Variants in C16orf96 observed in about 807,000 individuals in gnomAD.
C16orf96 encodes uncharacterized protein C16orf96.
Under a neutral mutation model 103.6 loss-of-function variants are expected in C16orf96, and 108 were observed. The observed-to-expected ratio is 1.04, with a 90% CI of 0.89 to 1.22. The LOEUF (loss-of-function observed/expected upper bound fraction) is 1.22, where lower values mean the gene tolerates loss of function less well. Among genes scored for constraint, C16orf96 ranks in the 50% most tolerant of loss-of-function variants. The pLI is 0.00. For synonymous variants in C16orf96, 566 were observed against 593.5 expected, an observed-to-expected ratio of 0.95 and a Z score of 0.67; for missense variants, 1,586 against 1,464.2, an observed-to-expected ratio of 1.08 and a Z score of -1.36.
chr16:4,596,754 C>T (rs1897182237), intron 14 of C16orf96, among the ~76,000 whole-genome samples: 1 of 152,118 alleles, frequency 6.6e-6, no homozygotes, highest in Non-Finnish European at 1.5e-5. Context: ...AAACAAAATA[C>T]AGCCAGAGTT....
Position 4,556,565 on chromosome 16 carries a change from C to G in C16orf96, c.76C>G (p.Leu26Val). Residue 26 changes from leucine (L) to valine (V), a missense_variant, in exon 1 of 16, where the codon CTG becomes GTG. Coordinates refer to ENST00000444310, the MANE Select transcript of C16orf96 (RefSeq NM_001145011.2). ...PQCGVLNFKA[L>V]HLLLHGILEH... ...GTGCGGGGTGCTGAACTTCAAGGCC[C>G]TGCACCTCCTGCTGCACGGCATCTT... is the stretch of plus-strand genomic sequence containing the variant. 1.3e-6 allele frequency: 2 copies of G among 1,551,644 alleles called. No homozygotes were observed. The highest frequency in any genetic ancestry group is 1.2e-5 in the South Asian group (1 of 84,060).
chr16:4,597,720 A>G (rs1268432550), intron 14 of C16orf96, among the ~76,000 whole-genome samples: 2 of 152,016 alleles, frequency 1.3e-5, no homozygotes, highest in Non-Finnish European at 1.5e-5. Context: ...CCACGCCTGG[A>G]TAATTTTTGT....
At chr16:4,550,890 G>C in the C16orf96 span, among the ~76,000 whole-genome samples, 2 of 152,216 alleles carry the variant, frequency 1.3e-5, no homozygotes, top group African/African-American at 2.4e-5. Context: ...GAGCCCACTG[G>C]AGCTGAGCCA....
rs58844372 is a variant in C16orf96 at position 4,556,543 on chromosome 16, C to T, written c.54C>T (p.Cys18=). Residue 18 remains cysteine (C), a synonymous_variant, in exon 1 of 16, where the codon TGC becomes TGT. Transcript: ENST00000444310. ...TELANIAIPQ[C]GVLNFKALHL... is the part of the protein sequence containing the mutation. ...TGGCCAACATCGCCATCCCACAGTG[C>T]GGGGTGCTGAACTTCAAGGCCCTGC... 2,569 of 1,550,542 alleles carry T rather than the reference C, an allele frequency of 1.7e-3. 34 individuals are homozygous for T. The African/African-American group carries it at 0.03, about 18-fold the overall frequency.
intron 7 of C16orf96, among the ~76,000 whole-genome samples, chr16:4,582,514 G>A (rs571170736): frequency 2.0e-5 from 3 of 152,200 alleles, no homozygotes; most frequent in East Asian, 1.9e-4. Context: ...CTCATTAAAG[G>A]GGAACCAATT....
At chr16:4,574,885 A>G in intron 3 of C16orf96, 87 bp from the exon 4 acceptor site, 9 of 1,524,162 alleles carry the variant, frequency 5.9e-6, no homozygotes, top group South Asian at 1.2e-5. Context: ...AAGGAGGAGA[A>G]CACAGCCTGG....
At chr16:4,577,971 G>A (rs1326953931) in intron 5 of C16orf96, among the ~76,000 whole-genome samples, 1 of 151,818 alleles carries the variant, frequency 6.6e-6, no homozygotes, top group Non-Finnish European at 1.5e-5. Context: ...AAAAGCCTGA[G>A]TGGTGGCGCA....
At chr16:4,543,743 G>A in the C16orf96 span, among the ~76,000 whole-genome samples, 2 of 152,088 alleles carry the variant, frequency 1.3e-5, no homozygotes, top group Non-Finnish European at 2.9e-5. Flanking sequence ...CTCTTGGCAA[G>A]CGATTCTTCT....
chr16:4,574,245 C>T (rs951250535), intron 2 of C16orf96, among the ~76,000 whole-genome samples: 1 of 151,858 alleles, frequency 6.6e-6, no homozygotes, highest in African/African-American at 2.4e-5. Flanking sequence ...ATTTTTGAGA[C>T]AAAGTCTCAC....
At chr16:4,585,740 G>C (rs972742824) in intron 7 of C16orf96, among the ~76,000 whole-genome samples, 1 of 152,324 alleles carries the variant, frequency 6.6e-6, no homozygotes, top group East Asian at 1.9e-4. Flanking sequence ...GCTCAGAGGG[G>C]CCTCCTCGCC....
rs1202438773 is a variant in C16orf96, at chr16:4,556,638, A to T, written c.149A>T (p.Glu50Val). ...CTCAAGAAAGTCCTCTCAGGCGATG[A>T]GGACTTCCTGCAGACCTCGCAGGTG... Reference protein sequence around the residue: ...AELKKVLSGDEDFLQTSQVVI... With the variant: ...AELKKVLSGDVDFLQTSQVVI... Residue 50 changes from glutamate to valine, a missense_variant, in exon 1 of 16, where the codon GAG (glutamate) becomes GTG (valine). Coordinates refer to ENST00000444310, the MANE Select transcript of C16orf96 (RefSeq NM_001145011.2). 1 of 1,551,756 alleles carries T rather than the reference A, an allele frequency of 6.4e-7. No homozygotes were observed. The highest frequency in any genetic ancestry group is 2.4e-5 in the East Asian group (1 of 40,928).
At chr16:4,555,456 C>G (rs1250047315), upstream of C16orf96, among the ~76,000 whole-genome samples, 2 of 151,744 alleles carry the variant, frequency 1.3e-5, no homozygotes, top group East Asian at 3.9e-4. Flanking sequence ...TCACTGAAAC[C>G]TCCACCTCCC....
At chr16:4,548,878 A>AAT in the C16orf96 span, among the ~76,000 whole-genome samples, 1 of 149,350 alleles carries the variant, frequency 6.7e-6, no homozygotes, top group Non-Finnish European at 1.5e-5. Flanking sequence ...GAGACTCTCA[A>AAT]AAAAAAAAAA....
chr16:4,573,845 T>C (rs2059468651), intron 2 of C16orf96, among the ~76,000 whole-genome samples: 1 of 151,968 alleles, frequency 6.6e-6, no homozygotes, highest in Admixed American at 6.6e-5. Flanking sequence ...TGTTTTGTAT[T>C]CTTTTTGAGA....
intron 1 of C16orf96, among the ~76,000 whole-genome samples, chr16:4,569,930 ACTT>A (rs1264632494): frequency 6.6e-6 from 1 of 152,070 alleles, no homozygotes; most frequent in East Asian, 1.9e-4. Flanking sequence ...TTTACAACTT[ACTT>A]CTTCCCAGGA....
intron 8 of C16orf96, 86 bp downstream of exon 8, chr16:4,587,199 C>T (rs555119135): frequency 8.2e-7 from 1 of 1,224,748 alleles, no homozygotes; most frequent in East Asian, 2.6e-5. Flanking sequence ...AAAGAGTCTT[C>T]CAGAATTTCC....
intron 6 of C16orf96, 87 bp from the exon 7 acceptor site, chr16:4,579,928 C>A: frequency 8.7e-7 from 1 of 1,150,174 alleles, no homozygotes; most frequent in Middle Eastern, 2.0e-4. Flanking sequence ...GTACATTCTT[C>A]TTGGCCTCAA....
intron 1 of C16orf96, among the ~76,000 whole-genome samples, chr16:4,569,995 C>T (rs1567442497): frequency 1.3e-5 from 2 of 152,160 alleles, no homozygotes; most frequent in Non-Finnish European, 2.9e-5. Flanking sequence ...AAAAGGAGAC[C>T]CCTGCCCTTG....
the C16orf96 span, among the ~76,000 whole-genome samples, chr16:4,547,566 A>G: frequency 2.0e-5 from 3 of 151,990 alleles, no homozygotes; most frequent in Non-Finnish European, 4.4e-5. Flanking sequence ...GTGAGTGCTA[A>G]TGGGTACAGG....
Sources: allele counts gnomAD v4.1 joint callset (sites outside exome capture counted in the v4.1 genomes callset), GRCh38; gene constraint gnomAD v4.1.1; transcripts MANE v1.5; gene names NCBI Gene and HGNC (gene_info 2026-07-23, HGNC 2026-07-21).